Variants in JAK2 observed in about 807,000 individuals in gnomAD.
The protein encoded by JAK2 is tyrosine-protein kinase JAK2.
In JAK2, 86 loss-of-function variants were observed where a neutral mutation model predicts 139.3. The ratio of observed to expected loss-of-function variants is 0.62; its 90% CI spans 0.52 to 0.74. The LOEUF (loss-of-function observed/expected upper bound fraction) is 0.74, where lower values mean the gene tolerates loss of function less well. Among genes scored for constraint, JAK2 ranks in the 30% least tolerant of loss-of-function variants. The pLI is 0.00. For missense variants in JAK2, 1,421 were observed against 1,360.3 expected (o/e 1.04, Z -0.70); for synonymous variants, 490 against 437.7 (o/e 1.12, Z -1.49).
At chr9:5,097,946 T>C (rs1049131519) in intron 22 of JAK2, 1 of 152,188 alleles carries the variant, frequency 6.6e-6, no homozygotes, top group African/African-American at 2.4e-5. Context: ...CCCACAGCAC[T>C]TCCTTGGCCT....
At chr9:5,087,506 C>A (rs970997659) in intron 19 of JAK2, among the ~76,000 whole-genome samples, 4 of 117,518 alleles carry the variant, frequency 3.4e-5, no homozygotes, top group Non-Finnish European at 6.9e-5. Context: ...CTGGTCCTAT[C>A]TCAAACCCTT....
chr9:5,050,841 T>C lies in JAK2; in HGVS notation c.614+10T>C. ...TCTATAACTCTATCAGGTAATTTTCTTTTGCAAATCCTTACACATAAGTGT... is the reference window on the plus strand; with the variant it reads ...TCTATAACTCTATCAGGTAATTTTCCTTTGCAAATCCTTACACATAAGTGT... On this transcript the variant is annotated intron_variant, in intron 6 of 24. Coordinates refer to ENST00000381652, the MANE Select transcript of JAK2 (RefSeq NM_004972.4). The C allele has an allele frequency of 1.2e-6, 2 of 1,610,290 alleles. No individual in the cohort carries two copies. Among genetic ancestry groups the C allele is most frequent in the Non-Finnish European group, 1.7e-6 (2 of 1,176,992 alleles).
intron 6 of JAK2, among the ~76,000 whole-genome samples, chr9:5,053,860 C>T (rs1056229265): frequency 2.0e-5 from 3 of 151,708 alleles, no homozygotes; most frequent in Non-Finnish European, 4.4e-5. Flanking sequence ...GAATGAGTAA[C>T]TAGATAGGAG....
chr9:5,081,927 T>C, intron 19 of JAK2, 66 bp downstream of exon 19: 1 of 1,323,162 alleles, frequency 7.6e-7, no homozygotes, highest in Non-Finnish European at 1.1e-6. Flanking sequence ...TAAGAGCGTT[T>C]CTAAAGTTCA....
At chr9:5,060,656 C>T (rs1332376194) in intron 8 of JAK2, among the ~76,000 whole-genome samples, 2 of 152,186 alleles carry the variant, frequency 1.3e-5, no homozygotes, top group African/African-American at 4.8e-5. Context: ...TAGTGACTTC[C>T]TCCATTGAAG....
At chr9:5,068,947 A>C (rs1165794025) in intron 10 of JAK2, 75 bp from the exon 11 acceptor site, 4 of 808,884 alleles carry the variant, frequency 4.9e-6, no homozygotes, top group Non-Finnish European at 7.7e-6. Flanking sequence ...TTCTTGTGAT[A>C]TCATTTTGTC....
At chr9:5,090,331 G>C in intron 20 of JAK2, 115 bp from the exon 21 acceptor site, 1 of 749,018 alleles carries the variant, frequency 1.3e-6, no homozygotes, top group Non-Finnish European at 1.9e-6. Flanking sequence ...GTATAATAAA[G>C]TTTTGTCATC....
intron 13 of JAK2, among the ~76,000 whole-genome samples, chr9:5,073,170 A>T (rs756934531): frequency 2.3e-4 from 35 of 152,224 alleles, no homozygotes; most frequent in Non-Finnish European, 1.8e-4. Context: ...GAGTTGTTCT[A>T]ATCCAGAATA....
chr9:5,121,945 G>A (rs1468664331), intron 22 of JAK2, among the ~76,000 whole-genome samples: 1 of 152,076 alleles, frequency 6.6e-6, no homozygotes, highest in Non-Finnish European at 1.5e-5. Context: ...TCCCCTTGTG[G>A]AATAAAACTA....
intron 4 of JAK2, chr9:5,041,690 C>T (rs72699590): frequency 6.5e-5 from 33 of 506,690 alleles, no homozygotes; most frequent in African/African-American, 6.1e-4. Flanking sequence ...TCGACCGAAG[C>T]GGCTTCGTGT....
chr9:5,036,518 T>C (rs200426824), intron 4 of JAK2, among the ~76,000 whole-genome samples: 27 of 152,074 alleles, frequency 1.8e-4, no homozygotes, highest in Non-Finnish European at 1.8e-4. Context: ...GGTACTGGTA[T>C]CAAAACAGAG....
chr9:5,120,710 A>G (rs1823548987), intron 22 of JAK2, among the ~76,000 whole-genome samples: 1 of 152,204 alleles, frequency 6.6e-6, no homozygotes, highest in African/African-American at 2.4e-5. Flanking sequence ...GATGTGATGT[A>G]AACTGTAACA....
At chr9:5,055,354 T>C (rs145226887) in intron 7 of JAK2, among the ~76,000 whole-genome samples, 2 of 152,152 alleles carry the variant, frequency 1.3e-5, no homozygotes, top group Non-Finnish European at 2.9e-5. Flanking sequence ...GGGATCATTT[T>C]TTAATTTTTC....
chr9:5,060,870 T>C (rs1818120647), intron 8 of JAK2, among the ~76,000 whole-genome samples: 1 of 152,232 alleles, frequency 6.6e-6, no homozygotes, highest in Non-Finnish European at 1.5e-5. Flanking sequence ...ACAAAATGTA[T>C]TTCTTAGATA....
At position 5,129,144 on chromosome 9, in the gene JAK2, A is replaced by G. The variant is rs1003613874; in HGVS notation, c.*2353A>G. On this transcript the variant is annotated 3_prime_UTR_variant, in exon 25 of 25. Coordinates refer to ENST00000381652, the MANE Select transcript of JAK2 (RefSeq NM_004972.4). The stretch of plus-strand genomic sequence containing the variant: ...TTTAAATTTTATTTAAACAGCTACA[A>G]AAGAGTTAGCAAATACCTACAGTTC... 3.3e-5 allele frequency among the ~76,000 whole-genome samples: 5 copies of G among 152,102 alleles called. No homozygotes were observed. The highest frequency in any genetic ancestry group is 7.2e-5 in the African/African-American group (3 of 41,446).
At chr9:4,998,750 A>C (rs1563915728) in intron 2 of JAK2, among the ~76,000 whole-genome samples, 3 of 152,016 alleles carry the variant, frequency 2.0e-5, no homozygotes, top group African/African-American at 7.2e-5. Flanking sequence ...ACAAAAAAAA[A>C]AACAACAAAA....
intron 8 of JAK2, among the ~76,000 whole-genome samples, chr9:5,056,700 A>C (rs866876440): frequency 2.6e-5 from 4 of 152,170 alleles, no homozygotes; most frequent in African/African-American, 9.7e-5. Flanking sequence ...TATTTTATGG[A>C]TGCATAAAAG....
chr9:5,053,194 C>T (rs544602146), intron 6 of JAK2, among the ~76,000 whole-genome samples: 1 of 151,974 alleles, frequency 6.6e-6, no homozygotes, highest in South Asian at 2.1e-4. Context: ...CTGTCTCATT[C>T]TAGTTTTGAT....
At chr9:5,073,674 C>G (rs1183556278) in intron 13 of JAK2, 24 bp from the exon 14 acceptor site, 4 of 1,553,400 alleles carry the variant, frequency 2.6e-6, no homozygotes, top group Admixed American at 1.7e-5. Context: ...AACAACAATT[C>G]TTTGTACTTT....
Sources: allele counts gnomAD v4.1 joint callset (sites outside exome capture counted in the v4.1 genomes callset), GRCh38; gene constraint gnomAD v4.1.1; transcripts MANE v1.5; gene names NCBI Gene and HGNC (gene_info 2026-07-23, HGNC 2026-07-21).